SESN1: variants seen among roughly 807,000 people sequenced by gnomAD.
SESN1 encodes sestrin 1, also known as sestrin-1.
SESN1 carries 30 observed loss-of-function variants against 59.3 expected under a neutral mutation model. The observed-to-expected ratio is 0.51, with a 90% CI of 0.38 to 0.69. SESN1 has a LOEUF of 0.69. Among genes scored for constraint, SESN1 ranks in the 30% least tolerant of loss-of-function variants. The probability of loss-of-function intolerance (pLI) is 0.00; values close to 1 mark genes in which losing one functional copy is unlikely to be tolerated. For missense variants in SESN1, 566 were observed against 673.0 expected (o/e 0.84, Z 1.76); for synonymous variants, 197 against 219.9 (o/e 0.90, Z 0.92).
chr6:109,035,721 C>A (rs1583280864), intron 1 of SESN1, among the ~76,000 whole-genome samples: 1 of 152,142 alleles, frequency 6.6e-6, no homozygotes, highest in Non-Finnish European at 1.5e-5. Flanking sequence ...CCACCTTAGC[C>A]TCCCCAGTAG....
intron 1 of SESN1, among the ~76,000 whole-genome samples, chr6:109,089,962 A>C (rs535271236): frequency 3.9e-5 from 6 of 152,258 alleles, no homozygotes; most frequent in African/African-American, 1.4e-4. Context: ...ATCAATCACT[A>C]TACTACCTTG....
chr6:109,009,421 G>T (rs1295341800), intron 1 of SESN1: 3 of 1,452,756 alleles, frequency 2.1e-6, no homozygotes, highest in Non-Finnish European at 1.8e-6. Context: ...ACCGCCAAAG[G>T]GGCCGTGTAC....
At chr6:108,990,064 A>G (rs140778237) in intron 8 of SESN1, among the ~76,000 whole-genome samples, 1 of 152,350 alleles carries the variant, frequency 6.6e-6, no homozygotes, top group Non-Finnish European at 1.5e-5. Context: ...CTGATTTTAC[A>G]GCAAAAATAG....
intron 1 of SESN1, among the ~76,000 whole-genome samples, chr6:109,089,504 G>A (rs1394244652): frequency 1.3e-5 from 2 of 152,150 alleles, no homozygotes; most frequent in African/African-American, 4.8e-5. Flanking sequence ...TGGAGAAGAA[G>A]ACATAGCAGT....
At chr6:109,046,145 C>G (rs1164350057) in intron 1 of SESN1, among the ~76,000 whole-genome samples, 1 of 152,118 alleles carries the variant, frequency 6.6e-6, no homozygotes, top group Non-Finnish European at 1.5e-5. Flanking sequence ...TCATGCGGAG[C>G]CGAAGCTGGA....
chr6:109,068,836 T>A (rs1780879517), intron 1 of SESN1, among the ~76,000 whole-genome samples: 1 of 151,746 alleles, frequency 6.6e-6, no homozygotes, highest in Non-Finnish European at 1.5e-5. Flanking sequence ...TTCTCCTGCC[T>A]CTGCCTCCCA....
At chr6:108,989,206 T>G (rs1266126485) in intron 8 of SESN1, among the ~76,000 whole-genome samples, 1 of 152,102 alleles carries the variant, frequency 6.6e-6, no homozygotes, top group East Asian at 1.9e-4. Flanking sequence ...TATCACCATA[T>G]TGGCCAGGCT....
At position 109,001,278 on chromosome 6, in the gene SESN1, G is replaced by A. The variant is rs201979922; in HGVS notation, c.546+10C>T. ...AGGCAAAAACAATTTTTCACTGAAT[G>A]TTTACAAACCATTATTCCAATGTAG... On this transcript the variant is annotated intron_variant, in intron 3 of 9. Transcript: ENST00000436639. 3.0e-4 allele frequency: 477 copies of A among 1,609,578 alleles called. No homozygotes were observed. Among genetic ancestry groups the A allele is most frequent in the Non-Finnish European group, 3.8e-4 (446 of 1,177,514 alleles).
intron 1 of SESN1, among the ~76,000 whole-genome samples, chr6:109,029,148 G>C (rs78714994): frequency 0.1 from 15,231 of 152,198 alleles, 927 homozygotes; most frequent in Middle Eastern, 0.19. Flanking sequence ...GCAGTAAATG[G>C]AAGACTAAAA....
chr6:109,031,934 C>T (rs1390102538), intron 1 of SESN1, among the ~76,000 whole-genome samples: 1 of 152,070 alleles, frequency 6.6e-6, no homozygotes. Context: ...ACATGAAATT[C>T]ACTTGTTTCA....
In SESN1 at chr6:109,072,909, T is replaced by A. The variant is rs544844399; in HGVS notation, c.279+20886A>T. ...CATTTTATCTAGTCAATTTTTTTTT[T>A]AATAAAATGGCAAAGATATTTGAAT... On this transcript the variant is annotated intron_variant, in intron 1 of 9. Coordinates refer to ENST00000436639, the MANE Select transcript of SESN1 (RefSeq NM_014454.3). 3.3e-5 allele frequency among the ~76,000 whole-genome samples: 5 copies of A among 152,284 alleles called. No individual in the cohort carries two copies. In the South Asian group the frequency reaches 8.3e-4, roughly 25 times the overall value.
intron 1 of SESN1, among the ~76,000 whole-genome samples, chr6:109,054,888 C>T (rs900874458): frequency 4.6e-5 from 7 of 152,144 alleles, no homozygotes; most frequent in Non-Finnish European, 1.0e-4. Flanking sequence ...TTAAAGCTTT[C>T]TTCCCTTGCT....
rs1779514198 is a variant in SESN1 at position 108,997,037 on chromosome 6, G to A, written c.972+1476C>T. On this transcript the variant is annotated intron_variant, in intron 5 of 9. Transcript: ENST00000436639. ...GAATAAGTAGTTTCCAGGGTTGGGA[G>A]GGAGGGAAAATTCTTGTTTGTTACC... 3.3e-5 allele frequency among the ~76,000 whole-genome samples: 5 copies of A among 152,242 alleles called. No homozygotes were observed. The South Asian group carries it at 1.0e-3, about 32-fold the overall frequency.
intron 1 of SESN1, chr6:109,059,540 T>A (rs547866613): frequency 6.6e-6 from 1 of 152,294 alleles, no homozygotes; most frequent in Admixed American, 6.5e-5. Flanking sequence ...AATTTGCATG[T>A]CATTCTTGTG....
Position 108,998,639 on chromosome 6 carries a change from T to G in SESN1, c.846A>C (p.Pro282=), listed in dbSNP as rs1779549694. ...TGTGGCCACCATCACAATGAATTTCTGGACTGATTCCACAGCCGAATGTGA... is the reference window on the plus strand; with the variant it reads ...TGTGGCCACCATCACAATGAATTTCGGGACTGATTCCACAGCCGAATGTGA... ...ASFTFGCGIS[P]EIHCDGGHTF... The change falls in exon 5 of 10, where the codon CCA becomes CCC. Residue 282 remains proline (P), a synonymous_variant. Coordinates refer to ENST00000436639, the MANE Select transcript of SESN1 (RefSeq NM_014454.3). 1 of 1,613,980 alleles carries G rather than the reference T, an allele frequency of 6.2e-7. No homozygotes were observed. The highest frequency in any genetic ancestry group is 8.5e-7 in the Non-Finnish European group (1 of 1,179,860).
At chr6:109,035,539 C>A (rs999174551) in intron 1 of SESN1, among the ~76,000 whole-genome samples, 1 of 150,134 alleles carries the variant, frequency 6.7e-6, no homozygotes, top group Non-Finnish European at 1.5e-5. Flanking sequence ...TGTGACTACC[C>A]GGCAGAGGGA....
At chr6:109,009,742 T>TC (rs1300795687) in intron 1 of SESN1, among the ~76,000 whole-genome samples, 2 of 152,010 alleles carry the variant, frequency 1.3e-5, no homozygotes, top group African/African-American at 4.8e-5. Flanking sequence ...GGGCCCAGGT[T>TC]CCCCACGAAC....
At chr6:109,020,731 C>G (rs1779998131) in intron 1 of SESN1, among the ~76,000 whole-genome samples, 2 of 152,180 alleles carry the variant, frequency 1.3e-5, no homozygotes, top group Admixed American at 1.3e-4. Context: ...TTTGCTCAAA[C>G]TGACAGAGCA....
At chr6:109,013,828 A>G (rs959051801) in intron 1 of SESN1, among the ~76,000 whole-genome samples, 5 of 152,246 alleles carry the variant, frequency 3.3e-5, no homozygotes, top group African/African-American at 1.2e-4. Flanking sequence ...ATGCTGGTTT[A>G]TAAGACTACT....
Sources: allele counts gnomAD v4.1 joint callset (sites outside exome capture counted in the v4.1 genomes callset), GRCh38; gene constraint gnomAD v4.1.1; transcripts MANE v1.5; gene names NCBI Gene and HGNC (gene_info 2026-07-23, HGNC 2026-07-21).